The following TMCO4 variants were observed in gnomAD, a reference collection of about 807,000 sequenced individuals.
TMCO4 encodes transmembrane and coiled-coil domains 4.
Under a neutral mutation model 64.7 loss-of-function variants are expected in TMCO4, and 58 were observed. The ratio of observed to expected loss-of-function variants is 0.90; its 90% confidence interval spans 0.73 to 1.12. The LOEUF is 1.12. TMCO4 is among the 50% of genes most tolerant of loss of function. The pLI is 0.00. For synonymous variants in TMCO4, 325 were observed against 346.1 expected (o/e 0.94, Z 0.68); for missense variants, 780 against 825.9 (o/e 0.94, Z 0.68).
chr1:19,785,455 A>G (rs1322508318), intron 3 of TMCO4, among the ~76,000 whole-genome samples: 1 of 152,106 alleles, frequency 6.6e-6, no homozygotes, highest in Admixed American at 6.6e-5. Flanking sequence ...CCACACCCCG[A>G]GCTTTCTGGA....
Position 19,682,890 on chromosome 1 carries a change from A to G in TMCO4, c.*150T>C. 8.6e-7 allele frequency: 1 copy of G among 1,167,720 alleles called. No individual in the cohort carries two copies. Among genetic ancestry groups the G allele is most frequent in the Non-Finnish European group, 1.2e-6 (1 of 816,622 alleles). The allele number at this position is 1,167,720 out of a possible 1,614,324, so 72.3% of individuals were successfully genotyped here. ...TCTCCTCCAAATTCCCCTTCCTTCC[A>G]TTTCCTTTCCCTTTCAGTTCCAATT... On this transcript the variant is annotated 3_prime_UTR_variant, in exon 16 of 16. Coordinates refer to ENST00000294543, the MANE Select transcript of TMCO4 (RefSeq NM_181719.7).
chr1:19,773,194 T>TAAATAA (rs988423636), intron 4 of TMCO4, among the ~76,000 whole-genome samples: 1 of 151,708 alleles, frequency 6.6e-6, no homozygotes, highest in African/African-American at 2.4e-5. Context: ...GTCTCAAAAA[T>TAAATAA]AAATAAAAAT....
At chr1:19,788,064 C>T (rs538419997) in intron 2 of TMCO4, among the ~76,000 whole-genome samples, 1 of 152,260 alleles carries the variant, frequency 6.6e-6, no homozygotes, top group South Asian at 2.1e-4. Context: ...GCCCTTAGTG[C>T]CATTTTCAAT....
chr1:19,689,954 G>A (rs2095179115), intron 15 of TMCO4, among the ~76,000 whole-genome samples: 1 of 152,212 alleles, frequency 6.6e-6, no homozygotes, highest in Admixed American at 6.5e-5. Flanking sequence ...ACAGCCTGAA[G>A]GCTGAAAGAC....
At position 19,746,493 on chromosome 1, in the gene TMCO4, C is replaced by A. The variant is rs760201847; in HGVS notation, c.720G>T (p.Met240Ile). The change falls in exon 9 of 16, where the codon ATG becomes ATT. Residue 240 changes from methionine to isoleucine, a missense_variant. Coordinates refer to ENST00000294543, the MANE Select transcript of TMCO4 (RefSeq NM_181719.7). Reference sequence around the variant, plus strand: ...CTCCAGCTGCACCAAACAGCGAGGTCATGATGGCTATGCCGGCTGCTGAGC... The same window carrying A: ...CTCCAGCTGCACCAAACAGCGAGGTAATGATGGCTATGCCGGCTGCTGAGC... ...ALGSAAGIAI[M>I]TSLFGAAGAG... 10 of 1,613,110 alleles carry A rather than the reference C, an allele frequency of 6.2e-6. No homozygotes were observed. Among genetic ancestry groups the A allele is most frequent in the Non-Finnish European group, 8.5e-6 (10 of 1,179,630 alleles).
At chr1:19,794,950 G>T (rs1006006532) in intron 2 of TMCO4, among the ~76,000 whole-genome samples, 4 of 152,148 alleles carry the variant, frequency 2.6e-5, no homozygotes, top group Non-Finnish European at 4.4e-5. Context: ...AATTCATAGA[G>T]ACAGAAAGTA....
At chr1:19,760,296 C>T (rs1401823764) in intron 6 of TMCO4, among the ~76,000 whole-genome samples, 1 of 152,198 alleles carries the variant, frequency 6.6e-6, no homozygotes, top group Non-Finnish European at 1.5e-5. Flanking sequence ...CCACAAATAT[C>T]AGAGGCTTGA....
chr1:19,737,266 G>C, intron 13 of TMCO4, 106 bp downstream of exon 13: 1 of 1,109,394 alleles, frequency 9.0e-7, no homozygotes, highest in Non-Finnish European at 1.3e-6. Flanking sequence ...TTATTTCTAA[G>C]AACTGGGAAC....
chr1:19,777,179 G>A (rs2043246889), intron 4 of TMCO4, among the ~76,000 whole-genome samples: 1 of 152,156 alleles, frequency 6.6e-6, no homozygotes, highest in Non-Finnish European at 1.5e-5. Flanking sequence ...GGTATTTTGG[G>A]AAAGATGTCC....
intron 13 of TMCO4, among the ~76,000 whole-genome samples, chr1:19,736,738 G>T (rs2095456539): frequency 6.6e-6 from 1 of 152,200 alleles, no homozygotes. Flanking sequence ...GACACTGGAG[G>T]CATGACACAC....
chr1:19,722,699 A>C (rs1159874755), intron 13 of TMCO4, among the ~76,000 whole-genome samples: 1 of 152,178 alleles, frequency 6.6e-6, no homozygotes, highest in African/African-American at 2.4e-5. Context: ...AGGGAGACAC[A>C]GTCCTGGAAG....
intron 13 of TMCO4, among the ~76,000 whole-genome samples, chr1:19,713,807 C>A (rs2095343105): frequency 1.3e-5 from 2 of 152,150 alleles, no homozygotes; most frequent in East Asian, 3.8e-4. Context: ...TTATCTCTCT[C>A]CCCTATTCTC....
chr1:19,745,486 C>A, intron 10 of TMCO4, 46 bp downstream of exon 10: 1 of 1,612,858 alleles, frequency 6.2e-7, no homozygotes, highest in Non-Finnish European at 8.5e-7. Context: ...CTGGCCCAGG[C>A]CACCACTGCC....
At chr1:19,721,278 G>A (rs1469945870) in intron 13 of TMCO4, among the ~76,000 whole-genome samples, 1 of 143,654 alleles carries the variant, frequency 7.0e-6, no homozygotes, top group Non-Finnish European at 1.5e-5. Context: ...ATACGCTCCT[G>A]CAGACTATTC....
chr1:19,695,962 C>T (rs1463705536), intron 14 of TMCO4, among the ~76,000 whole-genome samples: 1 of 152,150 alleles, frequency 6.6e-6, no homozygotes, highest in African/African-American at 2.4e-5. Context: ...CCTCTCCCCT[C>T]CAATACCTGC....
intron 14 of TMCO4, among the ~76,000 whole-genome samples, chr1:19,695,103 C>T (rs928123529): frequency 6.6e-5 from 10 of 152,180 alleles, no homozygotes; most frequent in African/African-American, 2.2e-4. Context: ...TGCAGGTCTC[C>T]CTGCCCTCAG....
chr1:19,699,873 C>A (rs1346060048), intron 14 of TMCO4, among the ~76,000 whole-genome samples: 1 of 152,176 alleles, frequency 6.6e-6, no homozygotes, highest in South Asian at 2.1e-4. Context: ...CAAACACACA[C>A]ACGTTCAGCT....
intron 4 of TMCO4, among the ~76,000 whole-genome samples, chr1:19,771,713 G>C (rs1326796850): frequency 2.0e-5 from 3 of 152,168 alleles, no homozygotes; most frequent in Non-Finnish European, 4.4e-5. Flanking sequence ...CTGGAGTTCA[G>C]TCGTGCAATC....
chr1:19,765,990 AAAG>A (rs67861959), intron 6 of TMCO4, among the ~76,000 whole-genome samples: 3,270 of 152,240 alleles, frequency 0.021, 67 homozygotes, highest in East Asian at 0.064. Flanking sequence ...CTCATTCTCC[AAAG>A]AAGGGTCGCC....
Sources: gnomAD v4.1 joint callset for allele counts (sites outside exome capture counted in the v4.1 genomes callset) on GRCh38, gnomAD v4.1.1 for gene constraint, MANE v1.5 for transcripts, NCBI Gene and HGNC (gene_info 2026-07-23, HGNC 2026-07-21) for gene names.